Variants in SERHL2 observed in about 807,000 individuals in gnomAD.
SERHL2 encodes the protein serine hydrolase-like protein 2.
A neutral mutation model predicts 25.5 loss-of-function variants in SERHL2; 29 were observed. That is an observed-to-expected ratio of 1.14 (90% CI 0.85 to 1.55). The LOEUF (loss-of-function observed/expected upper bound fraction) is 1.55. Among genes scored for constraint, SERHL2 ranks in the 40% most tolerant of loss-of-function variants. The pLI is 0.00. For synonymous variants in SERHL2, 95 were observed against 103.5 expected, an observed-to-expected ratio of 0.92 and a Z score of 0.50; for missense variants, 240 against 252.3, an observed-to-expected ratio of 0.95 and a Z score of 0.33.
At chr22:42,566,241 C>A in intron 8 of SERHL2, 63 bp from the exon 9 acceptor site, 3 of 1,542,564 alleles carry the variant, frequency 1.9e-6, no homozygotes, top group South Asian at 1.1e-5. Context: ...AGCAAAGTCA[C>A]GGAGCGTCCC....
chr22:42,567,345 CTTTT>C (rs898384975), intron 9 of SERHL2, among the ~76,000 whole-genome samples: 1 of 150,276 alleles, frequency 6.7e-6, no homozygotes, highest in African/African-American at 2.5e-5. Flanking sequence ...ATTTTCTTTT[CTTTT>C]TTTCTTTTTT....
intron 8 of SERHL2, chr22:42,563,355 A>T (rs1023601548): frequency 5.0e-6 from 2 of 398,122 alleles, no homozygotes; most frequent in Non-Finnish European, 5.1e-6. Flanking sequence ...AAGTGTGCAG[A>T]CCACACCTGG....
At chr22:42,566,365 C>G (rs200081336) in intron 9 of SERHL2, 27 bp downstream of exon 9, 2 of 1,609,168 alleles carry the variant, frequency 1.2e-6, no homozygotes, top group East Asian at 2.2e-5. Flanking sequence ...CCGGGTCCCC[C>G]GCCAAGGTTT....
At chr22:42,568,659 T>C (rs552191672) in intron 9 of SERHL2, among the ~76,000 whole-genome samples, 154 of 152,008 alleles carry the variant, frequency 1.0e-3, no homozygotes, top group African/African-American at 3.5e-3. Context: ...TTTTATTTTT[T>C]AAGTTTCTGG....
intron 8 of SERHL2, among the ~76,000 whole-genome samples, chr22:42,561,807 C>G (rs529278228): frequency 6.6e-6 from 1 of 151,882 alleles, no homozygotes; most frequent in Admixed American, 6.5e-5. Flanking sequence ...CTTGGCTGAA[C>G]CTTTATCTTG....
chr22:42,561,186 G>A (rs925340586), intron 8 of SERHL2, among the ~76,000 whole-genome samples: 12 of 151,916 alleles, frequency 7.9e-5, no homozygotes, highest in East Asian at 1.9e-4. Flanking sequence ...GACTCATGGC[G>A]GGGCCTGCTT....
intron 8 of SERHL2, among the ~76,000 whole-genome samples, chr22:42,562,048 G>A (rs55821000): frequency 0.11 from 16,281 of 151,720 alleles, 1,260 homozygotes; most frequent in Admixed American, 0.17. Flanking sequence ...GCAAGAGGGA[G>A]GGCTGAGAAA....
At chr22:42,566,252 C>G in intron 8 of SERHL2, 52 bp from the exon 9 acceptor site, 1 of 1,587,346 alleles carries the variant, frequency 6.3e-7, no homozygotes, top group South Asian at 1.1e-5. Context: ...GGAGCGTCCC[C>G]TGACCCTGAT....
chr22:42,564,474 C>T (rs1349876350), intron 8 of SERHL2, among the ~76,000 whole-genome samples: 1 of 151,208 alleles, frequency 6.6e-6, no homozygotes, highest in Non-Finnish European at 1.5e-5. Flanking sequence ...TTTTGTCGTC[C>T]AAGCTGGAGT....
At chr22:42,560,153 C>T in intron 7 of SERHL2, 33 bp from the exon 8 acceptor site, 1 of 1,560,060 alleles carries the variant, frequency 6.4e-7, no homozygotes, top group South Asian at 1.1e-5. Context: ...TTATTGGCCT[C>T]CAGGCACCCA....
At chr22:42,566,586 C>G (rs1320538933) in intron 9 of SERHL2, among the ~76,000 whole-genome samples, 3 of 151,536 alleles carry the variant, frequency 2.0e-5, no homozygotes, top group African/African-American at 7.3e-5. Context: ...AATTATATAG[C>G]TAACATAATA....
At chr22:42,565,696 C>T (rs186637281) in intron 8 of SERHL2, among the ~76,000 whole-genome samples, 1 of 151,674 alleles carries the variant, frequency 6.6e-6, no homozygotes, top group Middle Eastern at 3.2e-3. Flanking sequence ...TCAAGTGATC[C>T]TCCCACTTCG....
At chr22:42,572,057 T>TA (rs1015152743) in intron 10 of SERHL2, among the ~76,000 whole-genome samples, 5 of 151,962 alleles carry the variant, frequency 3.3e-5, no homozygotes, top group Admixed American at 2.6e-4. Flanking sequence ...CTCAATGTAT[T>TA]AAAAACCACA....
At chr22:42,572,699 C>G (rs754716906) in intron 11 of SERHL2, 170 bp downstream of exon 11, 14 of 984,702 alleles carry the variant, frequency 1.4e-5, no homozygotes, top group Non-Finnish European at 1.6e-5. Flanking sequence ...CCCTAGAGGC[C>G]TAGGGACACA....
intron 10 of SERHL2, chr22:42,571,692 G>A (rs930926891): frequency 4.6e-5 from 8 of 173,546 alleles, no homozygotes; most frequent in African/African-American, 1.9e-4. Flanking sequence ...CCAGTGTTGG[G>A]ATTACAGGCG....
At chr22:42,559,061 CCA>C (rs150843806) in intron 7 of SERHL2, among the ~76,000 whole-genome samples, 10,947 of 66,800 alleles carry the variant, frequency 0.16, 1,283 homozygotes, top group East Asian at 0.62. Context: ...GCACACACAC[CCA>C]CACACACACA....
intron 9 of SERHL2, 82 bp downstream of exon 9, chr22:42,566,420 T>C: frequency 1.4e-6 from 2 of 1,409,310 alleles, no homozygotes; most frequent in East Asian, 2.3e-5. Context: ...AGGCCAGGCG[T>C]GGTGGCTCAC....
In SERHL2 at chr22:42,569,284, A is replaced by C. The variant is rs1421198036; in HGVS notation, c.649-1837A>C. 1.3e-5 allele frequency: 2 copies of C among 151,540 alleles called. 1 individual carries two copies. The highest frequency in any genetic ancestry group is 2.9e-5 in the Non-Finnish European group (2 of 67,894). 9.4% of individuals were successfully genotyped at this position (151,540 alleles called of 1,614,324 possible). On this transcript the variant is annotated intron_variant, in intron 9 of 11. Coordinates refer to ENST00000327678, the MANE Select transcript of SERHL2 (RefSeq NM_014509.5). Reference sequence around the variant, plus strand: ...TATTTATTTATTTATTTAGAGACCAAGTCTTACTCTGTCATCCAGGGTGGA... The same window carrying C: ...TATTTATTTATTTATTTAGAGACCACGTCTTACTCTGTCATCCAGGGTGGA...
At chr22:42,572,790 G>A (rs1175152632) in intron 11 of SERHL2, 2 of 875,500 alleles carry the variant, frequency 2.3e-6, no homozygotes, top group Non-Finnish European at 2.7e-6. Context: ...TCAGCCTCCT[G>A]AGTAGCTGGG....
Sources: gnomAD v4.1 joint callset for allele counts (sites outside exome capture counted in the v4.1 genomes callset) on GRCh38, gnomAD v4.1.1 for gene constraint, MANE v1.5 for transcripts, NCBI Gene and HGNC (gene_info 2026-07-23, HGNC 2026-07-21) for gene names.